GUCA1C: variants seen among roughly 807,000 people sequenced by gnomAD.
The protein encoded by GUCA1C is guanylate cyclase activator 1C, also known as guanylyl cyclase-activating protein 3.
In GUCA1C, 15 loss-of-function variants were observed where a neutral mutation model predicts 16.2. That is an observed-to-expected ratio of 0.93 (90% confidence interval 0.62 to 1.43). GUCA1C has a LOEUF of 1.43. GUCA1C is among the 40% of genes most tolerant of loss of function. The pLI is 0.00. For missense variants in GUCA1C, 275 were observed against 244.8 expected (o/e 1.12, Z -0.82); for synonymous variants, 78 against 85.4 (o/e 0.91, Z 0.48).
In GUCA1C at chr3:108,919,623, G is replaced by A. The variant is rs117960501; in HGVS notation, c.354+813C>T. ...CTTTACATTTTTATCTGCTTTGAAC[G>A]TTTGTTGAGAAGTTTAATTATAAAA... On this transcript the variant is annotated intron_variant, in intron 2 of 3. Transcript: ENST00000261047. Among the ~76,000 whole-genome samples the A allele has an allele frequency of 1.1e-3, 163 of 152,100 alleles. No homozygotes were observed. The East Asian group carries it at 0.024, about 23-fold the overall frequency.
At chr3:108,930,254 C>CA (rs904319792) in intron 1 of GUCA1C, among the ~76,000 whole-genome samples, 1 of 152,094 alleles carries the variant, frequency 6.6e-6, no homozygotes, top group African/African-American at 2.4e-5. Flanking sequence ...GGCCTGTTTA[C>CA]AAAACCGGGA....
rs897247630 is a variant in GUCA1C at position 108,948,235 on chromosome 3, C to T, written c.204+5324G>A. Reference sequence around the variant, plus strand: ...GTGGGAGGTGATTGGATCATGGGGGCGGTTCTCCCCTTGCTGTTCTCATGA... The same window carrying T: ...GTGGGAGGTGATTGGATCATGGGGGTGGTTCTCCCCTTGCTGTTCTCATGA... On this transcript the variant is annotated intron_variant, in intron 1 of 3. Coordinates refer to ENST00000261047, the MANE Select transcript of GUCA1C (RefSeq NM_005459.4). 3.9e-4 allele frequency among the ~76,000 whole-genome samples: 60 copies of T among 152,090 alleles called. 1 individual carries two copies. Among genetic ancestry groups the T allele is most frequent in the Non-Finnish European group, 5.9e-5 (4 of 68,032 alleles).
chr3:108,911,642 C>G (rs73198647), intron 3 of GUCA1C, among the ~76,000 whole-genome samples: 4,033 of 152,280 alleles, frequency 0.026, 99 homozygotes, highest in Non-Finnish European at 0.042. Context: ...CGTGGAAACT[C>G]AGTTCCCTCT....
chr3:108,933,810 C>A (rs1047644951), intron 1 of GUCA1C, among the ~76,000 whole-genome samples: 1 of 152,108 alleles, frequency 6.6e-6, no homozygotes, highest in Non-Finnish European at 1.5e-5. Context: ...TACAATTTGA[C>A]CCAGCAATCC....
chr3:108,949,089 T>A (rs1219036908), intron 1 of GUCA1C, among the ~76,000 whole-genome samples: 1 of 152,034 alleles, frequency 6.6e-6, no homozygotes, highest in Non-Finnish European at 1.5e-5. Context: ...CTCAAGTGAT[T>A]TGCCTGCCTC....
intron 1 of GUCA1C, among the ~76,000 whole-genome samples, chr3:108,938,159 T>A (rs903090185): frequency 2.0e-5 from 3 of 152,042 alleles, no homozygotes; most frequent in African/African-American, 4.8e-5. Flanking sequence ...AGGAAAACAA[T>A]CCATCTCCAA....
intron 1 of GUCA1C, among the ~76,000 whole-genome samples, chr3:108,943,704 G>A (rs377413850): frequency 6.6e-6 from 1 of 152,148 alleles, no homozygotes; most frequent in East Asian, 1.9e-4. Flanking sequence ...TTGAATGCCT[G>A]AGTATGGAAG....
intron 1 of GUCA1C, among the ~76,000 whole-genome samples, chr3:108,922,488 C>T (rs1259086282): frequency 1.3e-5 from 2 of 152,156 alleles, no homozygotes; most frequent in African/African-American, 4.8e-5. Flanking sequence ...TCTCTGCATC[C>T]ACACCAACAT....
intron 1 of GUCA1C, among the ~76,000 whole-genome samples, chr3:108,943,391 C>T (rs7614118): frequency 0.15 from 23,305 of 152,116 alleles, 1,959 homozygotes; most frequent in Middle Eastern, 0.26. Context: ...GGAGAAAAGG[C>T]TGTAGGTGTA....
intron 1 of GUCA1C, among the ~76,000 whole-genome samples, chr3:108,946,167 C>CTCAGGCTAGAGTGCAATGG (rs1212707788): frequency 1.3e-5 from 2 of 152,182 alleles, no homozygotes; most frequent in African/African-American, 4.8e-5. Context: ...GTCTCTGTCA[C>CTCAGGCTAGAGTGCAATGG]TCAGGCTAGA....
chr3:108,944,538 T>C (rs989439584), intron 1 of GUCA1C, among the ~76,000 whole-genome samples: 1 of 152,142 alleles, frequency 6.6e-6, no homozygotes, highest in Non-Finnish European at 1.5e-5. Flanking sequence ...TGTTTGTAAG[T>C]GACTGCAGTT....
intron 3 of GUCA1C, among the ~76,000 whole-genome samples, chr3:108,914,314 T>TC (rs1442757814): frequency 6.6e-6 from 1 of 152,128 alleles, no homozygotes; most frequent in Non-Finnish European, 1.5e-5. Flanking sequence ...CTAATCACAG[T>TC]CCCCATTTTA....
At chr3:108,914,864 G>C (rs768204188) in intron 3 of GUCA1C, among the ~76,000 whole-genome samples, 1 of 152,108 alleles carries the variant, frequency 6.6e-6, no homozygotes, top group Non-Finnish European at 1.5e-5. Context: ...GCTGCACGTA[G>C]CCTCCTTATC....
At chr3:108,910,931 T>C (rs1163650760) in intron 3 of GUCA1C, among the ~76,000 whole-genome samples, 1 of 152,134 alleles carries the variant, frequency 6.6e-6, no homozygotes, top group Non-Finnish European at 1.5e-5. Context: ...ATTACAGGCG[T>C]GAGCCACCGC....
chr3:108,933,426 G>T (rs1334274860), intron 1 of GUCA1C, among the ~76,000 whole-genome samples: 1 of 152,168 alleles, frequency 6.6e-6, no homozygotes, highest in African/African-American at 2.4e-5. Context: ...GGGAGGAGGT[G>T]TCAGGATATG....
intron 1 of GUCA1C, among the ~76,000 whole-genome samples, chr3:108,942,190 T>C (rs772457549): frequency 5.9e-5 from 9 of 152,228 alleles, no homozygotes; most frequent in Non-Finnish European, 1.2e-4. Context: ...AATATTGTTG[T>C]AAGGATTCTA....
intron 1 of GUCA1C, among the ~76,000 whole-genome samples, chr3:108,948,847 A>T (rs1164320999): frequency 2.1e-5 from 3 of 143,690 alleles, no homozygotes; most frequent in Non-Finnish European, 3.0e-5. Flanking sequence ...AGATCTGGGA[A>T]TTTTTTTTTT....
chr3:108,912,031 G>T (rs975248346), intron 3 of GUCA1C, among the ~76,000 whole-genome samples: 2 of 151,040 alleles, frequency 1.3e-5, no homozygotes, highest in African/African-American at 4.9e-5. Flanking sequence ...ACTTGAACCC[G>T]GGAGGCGGAG....
intron 3 of GUCA1C, among the ~76,000 whole-genome samples, chr3:108,912,800 T>C (rs1200262010): frequency 3.3e-5 from 5 of 151,996 alleles, no homozygotes; most frequent in Admixed American, 6.6e-5. Context: ...ATTTCTTACA[T>C]GACATCTTCT....
Sources: gnomAD v4.1 joint callset for allele counts (sites outside exome capture counted in the v4.1 genomes callset) on GRCh38, gnomAD v4.1.1 for gene constraint, MANE v1.5 for transcripts, NCBI Gene and HGNC (gene_info 2026-07-23, HGNC 2026-07-21) for gene names.